The following SPATA17 variants were observed in gnomAD, a reference collection of about 807,000 sequenced individuals.
The protein encoded by SPATA17 is spermatogenesis-associated protein 17.
SPATA17 carries 53 observed loss-of-function variants against 62.2 expected under a neutral mutation model. The ratio of observed to expected loss-of-function variants is 0.85; its 90% CI spans 0.68 to 1.07. The LOEUF (loss-of-function observed/expected upper bound fraction) is 1.07, where lower values mean the gene tolerates loss of function less well. SPATA17 is among the 50% of genes least tolerant of loss of function. The pLI is 0.00. For missense variants in SPATA17, 466 were observed against 425.5 expected (o/e 1.10, Z -0.84); for synonymous variants, 146 against 146.8 (o/e 0.99, Z 0.04).
intron 6 of SPATA17, among the ~76,000 whole-genome samples, chr1:217,757,806 A>G (rs747239331): frequency 1.2e-4 from 18 of 152,214 alleles, no homozygotes; most frequent in Non-Finnish European, 1.9e-4. Flanking sequence ...ATTACGTTGT[A>G]GGCTTAAACA....
At chr1:217,700,214 G>C (rs1274818820) in intron 5 of SPATA17, among the ~76,000 whole-genome samples, 1 of 151,952 alleles carries the variant, frequency 6.6e-6, no homozygotes, top group Non-Finnish European at 1.5e-5. Flanking sequence ...CTGGAATTTT[G>C]TTAGGAATTT....
At chr1:217,679,659 G>A (rs1033732001) in intron 4 of SPATA17, among the ~76,000 whole-genome samples, 1 of 152,192 alleles carries the variant, frequency 6.6e-6, no homozygotes, top group Admixed American at 6.6e-5. Context: ...ATCTTGGAGA[G>A]GAATTTTAGC....
At chr1:217,709,875 G>T (rs544060177) in intron 5 of SPATA17, among the ~76,000 whole-genome samples, 1 of 152,180 alleles carries the variant, frequency 6.6e-6, no homozygotes, top group Admixed American at 6.5e-5. Flanking sequence ...GTTGTCTTGA[G>T]GCAATTATGA....
chr1:217,850,437 G>C (rs1378162925), intron 9 of SPATA17: 2 of 1,335,022 alleles, frequency 1.5e-6, no homozygotes, highest in East Asian at 2.4e-5. Context: ...CCAGGTACAG[G>C]GTCAACTCTT....
chr1:217,746,143 T>C (rs1241727121), intron 6 of SPATA17, among the ~76,000 whole-genome samples: 1 of 152,016 alleles, frequency 6.6e-6, no homozygotes, highest in Non-Finnish European at 1.5e-5. Flanking sequence ...TAAGTACAAA[T>C]AAAAGCCAAA....
chr1:217,809,760 A>G (rs1674538513), intron 9 of SPATA17, among the ~76,000 whole-genome samples: 1 of 152,204 alleles, frequency 6.6e-6, no homozygotes, highest in Non-Finnish European at 1.5e-5. Flanking sequence ...AAATTTCAAC[A>G]TGAGTTTTGG....
At chr1:217,722,056 T>C (rs377206436) in intron 5 of SPATA17, among the ~76,000 whole-genome samples, 27 of 152,292 alleles carry the variant, frequency 1.8e-4, no homozygotes, top group Non-Finnish European at 8.8e-5. Context: ...CCAGCTCCTC[T>C]TCCATCCCTT....
chr1:217,642,050 T>A (rs1219296996), intron 1 of SPATA17, among the ~76,000 whole-genome samples: 1 of 152,188 alleles, frequency 6.6e-6, no homozygotes, highest in Non-Finnish European at 1.5e-5. Context: ...TTTTTCCCCT[T>A]GATTAGATTC....
intron 1 of SPATA17, among the ~76,000 whole-genome samples, chr1:217,643,166 A>C (rs534877770): frequency 1.3e-5 from 2 of 152,284 alleles, no homozygotes; most frequent in East Asian, 3.9e-4. Flanking sequence ...CAATACGTTC[A>C]TTCTAGTTTT....
At chr1:217,778,050 CAT>C (rs1438010735) in intron 7 of SPATA17, among the ~76,000 whole-genome samples, 2 of 151,982 alleles carry the variant, frequency 1.3e-5, no homozygotes, top group Non-Finnish European at 2.9e-5. Context: ...GCATATATAA[CAT>C]ATAACTTTGC....
chr1:217,743,426 A>G (rs1672672317), intron 6 of SPATA17, among the ~76,000 whole-genome samples: 1 of 152,090 alleles, frequency 6.6e-6, no homozygotes, highest in African/African-American at 2.4e-5. Flanking sequence ...ACTGAGTACT[A>G]TTAATATCCT....
chr1:217,657,387 A>C (rs1204194153), intron 3 of SPATA17, among the ~76,000 whole-genome samples: 1 of 152,130 alleles, frequency 6.6e-6, no homozygotes, highest in Non-Finnish European at 1.5e-5. Flanking sequence ...CCTTCCACCA[A>C]CATATTGCCT....
chr1:217,635,333 A>G (rs1289812659), intron 1 of SPATA17, among the ~76,000 whole-genome samples: 1 of 152,222 alleles, frequency 6.6e-6, no homozygotes, highest in African/African-American at 2.4e-5. Flanking sequence ...TATTATGGAG[A>G]CATAATACAT....
chr1:217,689,851 C>T (rs1671305267), intron 5 of SPATA17, among the ~76,000 whole-genome samples: 1 of 152,088 alleles, frequency 6.6e-6, no homozygotes, highest in Non-Finnish European at 1.5e-5. Context: ...CTAGTCAACC[C>T]CTGTACCATC....
At chr1:217,743,528 A>G (rs1476586366) in intron 6 of SPATA17, among the ~76,000 whole-genome samples, 6 of 152,048 alleles carry the variant, frequency 3.9e-5, no homozygotes, top group Non-Finnish European at 7.4e-5. Flanking sequence ...CTTTCTTAAT[A>G]TGAGTTCTAG....
chr1:217,631,353 A>C lies in SPATA17; in HGVS notation c.-26A>C, dbSNP rs747419820. Reference sequence around the variant, plus strand: ...TACCATGGAGACCGGTAGTAACACCAGTTGTAAACCCAAGGCCAAGAGACC... The same window carrying C: ...TACCATGGAGACCGGTAGTAACACCCGTTGTAAACCCAAGGCCAAGAGACC... On this transcript the variant is annotated 5_prime_UTR_variant, in exon 1 of 11. Transcript: ENST00000366933. 18 of 1,613,792 alleles carry C rather than the reference A, an allele frequency of 1.1e-5. No individual in the cohort carries two copies. The highest frequency in any genetic ancestry group is 1.4e-5 in the Non-Finnish European group (17 of 1,179,774).
chr1:217,731,177 G>A (rs999851091), intron 5 of SPATA17, among the ~76,000 whole-genome samples: 4 of 151,262 alleles, frequency 2.6e-5, no homozygotes, highest in African/African-American at 7.3e-5. Context: ...TATTAGTGTA[G>A]TGTACCCTCC....
chr1:217,863,119 CTTTTTTTTTTTT>C (rs35673625), intron 10 of SPATA17, among the ~76,000 whole-genome samples: 1 of 111,860 alleles, frequency 8.9e-6, no homozygotes, highest in African/African-American at 3.3e-5. Flanking sequence ...AATACTCTTT[CTTTTTTTTTTTT>C]TTTTTTTTTG....
intron 6 of SPATA17, among the ~76,000 whole-genome samples, chr1:217,742,949 A>AATATATATATATAT (rs10559433): frequency 6.8e-6 from 1 of 146,086 alleles, no homozygotes; most frequent in East Asian, 2.0e-4. Context: ...TCCAAATTAA[A>AATATATATATATAT]ATATATATAT....
Sources: allele counts gnomAD v4.1 joint callset (sites outside exome capture counted in the v4.1 genomes callset), GRCh38; gene constraint gnomAD v4.1.1; transcripts MANE v1.5; gene names NCBI Gene and HGNC (gene_info 2026-07-23, HGNC 2026-07-21).